The following DCAF17 variants were observed in gnomAD, a reference collection of about 807,000 sequenced individuals.
DCAF17 encodes the protein DDB1- and CUL4-associated factor 17.
In DCAF17, 48 loss-of-function variants were observed where a neutral mutation model predicts 66.0. The ratio of observed to expected loss-of-function variants is 0.73; its 90% CI spans 0.58 to 0.92. The LOEUF is 0.92. Ranked by LOEUF, DCAF17 falls within the 40% of genes least tolerant of loss-of-function variation. The probability of loss-of-function intolerance (pLI) is 0.00; values close to 1 mark genes in which losing one functional copy is unlikely to be tolerated. For synonymous variants in DCAF17, 206 were observed against 214.6 expected, an observed-to-expected ratio of 0.96 and a Z score of 0.35; for missense variants, 562 against 622.8, an observed-to-expected ratio of 0.90 and a Z score of 1.04.
intron 2 of DCAF17, among the ~76,000 whole-genome samples, chr2:171,435,680 T>C (rs762023221): frequency 2.0e-5 from 3 of 152,016 alleles, no homozygotes; most frequent in Non-Finnish European, 4.4e-5. Flanking sequence ...CATCCCCATA[T>C]ACTCATTACC....
intron 8 of DCAF17, among the ~76,000 whole-genome samples, chr2:171,468,666 A>T (rs550595793): frequency 9.2e-5 from 14 of 152,322 alleles, no homozygotes; most frequent in Non-Finnish European, 1.8e-4. Context: ...CTGAAAACAG[A>T]TACCTAGAAA....
chr2:171,474,392 A>C, intron 10 of DCAF17: 1 of 198,780 alleles, frequency 5.0e-6, no homozygotes, highest in Non-Finnish European at 1.0e-5. Flanking sequence ...CCACAAACTG[A>C]CCTCTCCTTC....
chr2:171,458,532 ATAGT>A, intron 8 of DCAF17, 55 bp downstream of exon 8: 1 of 1,285,844 alleles, frequency 7.8e-7, no homozygotes, highest in Non-Finnish European at 1.1e-6. Context: ...GGTCATATAA[ATAGT>A]TATTAATTAT....
chr2:171,434,888 GCTTCTTATGTCTTACCTGGAAA>G lies in DCAF17; in HGVS notation c.126+187_127-172del, dbSNP rs773169533. On this transcript the variant is annotated intron_variant, in intron 1 of 13. Coordinates refer to ENST00000375255, the MANE Select transcript of DCAF17 (RefSeq NM_025000.4). The stretch of plus-strand genomic sequence containing the variant: ...GGCCACCAGCTGCTTTTAGTTTTAC[GCTTCTTATGTCTTACCTGGAAA>G]CAATTATTCTAAAAGTTGGTCACCT... The G allele has an allele frequency of 2.8e-3, 3,008 of 1,083,918 alleles. 10 individuals are homozygous for G. The highest frequency in any genetic ancestry group is 3.3e-3 in the Non-Finnish European group (2,600 of 779,176). 67.1% of individuals were successfully genotyped at this position (1,083,918 alleles called of 1,614,324 possible).
rs73976170 is a variant in DCAF17 at position 171,483,297 on chromosome 2, C to G, written c.*2183C>G. The G allele has an allele frequency of 7.9e-3, 3,569 of 454,088 alleles. 74 individuals carry two copies. Among genetic ancestry groups the G allele is most frequent in the African/African-American group, 0.049 (2,471 of 50,110 alleles). The allele number at this position is 454,088 out of a possible 1,614,324, so 28.1% of individuals were successfully genotyped here. On this transcript the variant is annotated 3_prime_UTR_variant, in exon 14 of 14. Transcript: ENST00000375255. ...GAGACTCTAGCTACATGCCCACCTA[C>G]TTAACAGGTACTAGTGACAGGTACA...
chr2:171,469,696 A>G (rs550313377), intron 9 of DCAF17, among the ~76,000 whole-genome samples: 5 of 152,244 alleles, frequency 3.3e-5, no homozygotes, highest in African/African-American at 1.2e-4. Flanking sequence ...TAAAGGAAAC[A>G]TGTAGAAAAA....
chr2:171,457,506 A>G (rs1416070911), intron 6 of DCAF17, among the ~76,000 whole-genome samples: 1 of 152,250 alleles, frequency 6.6e-6, no homozygotes, highest in Non-Finnish European at 1.5e-5. Context: ...CTTACCATGC[A>G]TGAAAGACTA....
At chr2:171,477,323 T>C (rs539713047) in intron 11 of DCAF17, among the ~76,000 whole-genome samples, 1 of 152,308 alleles carries the variant, frequency 6.6e-6, no homozygotes, top group Admixed American at 6.5e-5. Flanking sequence ...TCTTTTAGTG[T>C]ATAAATTAAG....
chr2:171,442,377 T>C (rs968966837), intron 2 of DCAF17, among the ~76,000 whole-genome samples: 2 of 150,670 alleles, frequency 1.3e-5, no homozygotes, highest in African/African-American at 4.9e-5. Context: ...ACCAACATGG[T>C]GAAACCCTGT....
In DCAF17 at chr2:171,483,621, C is replaced by T. The variant is rs1418184342; in HGVS notation, c.*2507C>T. ...AATTAAGGCACTTCACATTCTTCCA[C>T]CAATTGAAAGTTTTGTATCTTACAG... On this transcript the variant is annotated 3_prime_UTR_variant, in exon 14 of 14. Coordinates refer to ENST00000375255, the MANE Select transcript of DCAF17 (RefSeq NM_025000.4). 3 of 454,022 alleles carry T rather than the reference C, an allele frequency of 6.6e-6. No individual in the cohort carries two copies. The East Asian group carries it at 2.1e-4, about 32-fold the overall frequency. The allele number at this position is 454,022 out of a possible 1,614,324, so 28.1% of individuals were successfully genotyped here.
At chr2:171,434,770 G>A in intron 1 of DCAF17, 67 bp downstream of exon 1, 3 of 1,390,636 alleles carry the variant, frequency 2.2e-6, no homozygotes, top group South Asian at 1.6e-5. Context: ...CTCCTGCGGG[G>A]ATGCGGTTTT....
intron 2 of DCAF17, among the ~76,000 whole-genome samples, chr2:171,438,833 C>G (rs933259225): frequency 6.6e-6 from 1 of 152,036 alleles, no homozygotes; most frequent in African/African-American, 2.4e-5. Flanking sequence ...AACTCCTGGA[C>G]TGAAGCAATC....
At chr2:171,443,500 C>A in intron 2 of DCAF17, 23 bp from the exon 3 acceptor site, 3 of 1,575,940 alleles carry the variant, frequency 1.9e-6, no homozygotes, top group South Asian at 2.2e-5. Context: ...GAATAATAAT[C>A]ATTTATTTTT....
rs963898465 is a variant in DCAF17, at chr2:171,481,322, G to C, written c.*208G>C. ...TTTTTTAAAGGTTTTTTAGAATACTGTTCCAAGAAGTTTAGTGTTTTGCAG... is the reference window on the plus strand; with the variant it reads ...TTTTTTAAAGGTTTTTTAGAATACTCTTCCAAGAAGTTTAGTGTTTTGCAG... On this transcript the variant is annotated 3_prime_UTR_variant, in exon 14 of 14. Transcript: ENST00000375255. 94 of 656,472 alleles carry C rather than the reference G, an allele frequency of 1.4e-4. 1 individual carries two copies. In the East Asian group the frequency reaches 2.9e-3, roughly 20 times the overall value. The allele number at this position is 656,472 out of a possible 1,614,324, so 40.7% of individuals were successfully genotyped here.
intron 2 of DCAF17, among the ~76,000 whole-genome samples, chr2:171,437,112 A>T (rs1028087544): frequency 2.6e-5 from 4 of 151,942 alleles, no homozygotes; most frequent in Non-Finnish European, 4.4e-5. Context: ...ATTTATCTAA[A>T]TTTTTTTCAT....
chr2:171,476,149 CT>C (rs112721895), intron 10 of DCAF17, among the ~76,000 whole-genome samples: 30,651 of 146,494 alleles, frequency 0.21, 3,186 homozygotes, highest in South Asian at 0.29. Context: ...CTCTGCTGTT[CT>C]TTTTTTTTTT....
chr2:171,476,790 G>A, intron 10 of DCAF17, 70 bp from the exon 11 acceptor site: 1 of 1,069,110 alleles, frequency 9.4e-7, no homozygotes, highest in Non-Finnish European at 1.5e-6. Context: ...TTTTACTTCA[G>A]TACTTAAACT....
intron 1 of DCAF17, 51 bp downstream of exon 1, chr2:171,434,754 C>T: frequency 3.6e-6 from 5 of 1,389,738 alleles, no homozygotes; most frequent in Non-Finnish European, 2.8e-6. Flanking sequence ...CGCGCGGCGG[C>T]CGAGCCTCCT....
intron 8 of DCAF17, among the ~76,000 whole-genome samples, chr2:171,463,607 T>G: frequency 6.6e-6 from 1 of 152,256 alleles, no homozygotes; most frequent in African/African-American, 2.4e-5. Flanking sequence ...TTGACCTATA[T>G]GCCATTTTAC....
Sources: allele counts gnomAD v4.1 joint callset (sites outside exome capture counted in the v4.1 genomes callset), GRCh38; gene constraint gnomAD v4.1.1; transcripts MANE v1.5; gene names NCBI Gene and HGNC (gene_info 2026-07-23, HGNC 2026-07-21).